Variants in BCO2 observed in about 807,000 individuals in gnomAD.
BCO2 encodes carotenoid-cleaving dioxygenase, mitochondrial.
In BCO2, 56 loss-of-function variants were observed where a neutral mutation model predicts 65.8. That is an observed-to-expected ratio of 0.85 (90% CI 0.69 to 1.06). The LOEUF (loss-of-function observed/expected upper bound fraction) is 1.06. Among genes scored for constraint, BCO2 ranks in the 50% least tolerant of loss-of-function variants. BCO2 has a pLI of 0.00. For synonymous variants in BCO2, 233 were observed against 242.3 expected, an observed-to-expected ratio of 0.96 and a Z score of 0.36; for missense variants, 675 against 698.5, an observed-to-expected ratio of 0.97 and a Z score of 0.38.
intron 2 of BCO2, chr11:112,180,939 A>G: frequency 8.8e-7 from 1 of 1,136,566 alleles, no homozygotes; most frequent in East Asian, 2.3e-5. Context: ...ATTGCTTTGA[A>G]CAGGGATGAT....
At chr11:112,206,025 TG>T (rs1160588333) in intron 8 of BCO2, among the ~76,000 whole-genome samples, 2 of 152,228 alleles carry the variant, frequency 1.3e-5, no homozygotes, top group Admixed American at 6.5e-5. Flanking sequence ...AATGCAAACT[TG>T]GGGAAGACAG....
At chr11:112,194,916 A>G (rs1040733836) in intron 5 of BCO2, among the ~76,000 whole-genome samples, 161 bp downstream of exon 5, 1 of 152,152 alleles carries the variant, frequency 6.6e-6, no homozygotes, top group African/African-American at 2.4e-5. Flanking sequence ...ACTTGATCTC[A>G]GATAAGGAGG....
At chr11:112,216,452 C>T in intron 11 of BCO2, 122 bp downstream of exon 11, 1 of 669,918 alleles carries the variant, frequency 1.5e-6, no homozygotes, top group South Asian at 1.9e-5. Context: ...TCTTCCCCTC[C>T]TTACTATTTA....
chr11:112,216,066 TTCAGCACTGGGC>T (rs924439361), intron 10 of BCO2, 142 bp from the exon 11 acceptor site: 1 of 620,910 alleles, frequency 1.6e-6, no homozygotes, highest in African/African-American at 1.8e-5. Context: ...AGGCCCCACC[TTCAGCACTGGGC>T]TCAGCACTCC....
chr11:112,212,373 C>T (rs34006273), intron 8 of BCO2, among the ~76,000 whole-genome samples: 31,110 of 152,138 alleles, frequency 0.2, 3,992 homozygotes, highest in Non-Finnish European at 0.28. Flanking sequence ...AGGTAGCTCA[C>T]GCCTGTAATT....
chr11:112,189,379 T>C (rs1437608261), intron 2 of BCO2, among the ~76,000 whole-genome samples: 1 of 146,112 alleles, frequency 6.8e-6, no homozygotes, highest in African/African-American at 2.5e-5. Flanking sequence ...TAAAAAAGAA[T>C]TAAACAAAAT....
chr11:112,188,041 C>T (rs982712239), intron 2 of BCO2, among the ~76,000 whole-genome samples: 1 of 152,264 alleles, frequency 6.6e-6, no homozygotes, highest in African/African-American at 2.4e-5. Flanking sequence ...TCTAGATACT[C>T]TCAAACATGG....
chr11:112,179,581 C>T, intron 2 of BCO2, 99 bp downstream of exon 2: 1 of 1,075,950 alleles, frequency 9.3e-7, no homozygotes, highest in Non-Finnish European at 1.4e-6. Context: ...TTAATATTTC[C>T]ATTCCATCCC....
At chr11:112,192,925 G>GTTTTGTT (rs1867433920) in intron 2 of BCO2, among the ~76,000 whole-genome samples, 1 of 36,670 alleles carries the variant, frequency 2.7e-5, no homozygotes, top group Non-Finnish European at 4.7e-5. Flanking sequence ...AAAATGTGAG[G>GTTTTGTT]TTTTTTTTTT....
At position 112,216,811 on chromosome 11, in the gene BCO2, ATCTGACT is replaced by A. The variant is rs1448599286; in HGVS notation, c.1626+485_1626+491del. 4.6e-5 allele frequency among the ~76,000 whole-genome samples: 7 copies of A among 152,354 alleles called. No individual in the cohort carries two copies. In the East Asian group the frequency reaches 1.2e-3, roughly 25 times the overall value. On this transcript the variant is annotated intron_variant, in intron 11 of 11. Coordinates refer to ENST00000357685, the MANE Select transcript of BCO2 (RefSeq NM_031938.7). ...CAGTGTCCCAATAACACTATGCACT[ATCTGACT>A]TCTTGTCTAGGGCAATCTTATGGCA...
At position 112,194,722 on chromosome 11, in the gene BCO2, G is replaced by A; in HGVS notation, c.703G>A (p.Ala235Thr). ...TCCTCATTATGACCTGGATGGAACA[G>A]CATACAATATGGGGAACTCCTTTGG... is the stretch of plus-strand genomic sequence containing the variant. ...AHPHYDLDGT[A>T]YNMGNSFGPY... Residue 235 changes from alanine to threonine, a missense_variant, in exon 5 of 12, where the codon GCA (alanine) becomes ACA (threonine). Transcript: ENST00000357685. 1 of 1,611,852 alleles carries A rather than the reference G, an allele frequency of 6.2e-7. No individual in the cohort carries two copies. Among genetic ancestry groups the A allele is most frequent in the Non-Finnish European group, 8.5e-7 (1 of 1,178,408 alleles).
intron 6 of BCO2, among the ~76,000 whole-genome samples, chr11:112,200,161 C>T (rs1351948903): frequency 6.6e-6 from 1 of 152,028 alleles, no homozygotes; most frequent in Non-Finnish European, 1.5e-5. Context: ...TGGGGAAATT[C>T]ATATTCTATA....
intron 2 of BCO2, among the ~76,000 whole-genome samples, chr11:112,183,911 C>G (rs2135352454): frequency 6.6e-6 from 1 of 152,294 alleles, no homozygotes; most frequent in African/African-American, 2.4e-5. Context: ...AAGAACTTAC[C>G]TATCACTACA....
At position 112,193,784 on chromosome 11, in the gene BCO2, A is replaced by C; in HGVS notation, c.517+87A>C. The C allele has an allele frequency of 2.6e-6, 4 of 1,520,080 alleles. No homozygotes were observed. The South Asian group carries it at 4.5e-5, about 17-fold the overall frequency. The allele number at this position is 1,520,080 out of a possible 1,614,324, so 94.2% of individuals were successfully genotyped here. On this transcript the variant is annotated intron_variant, in intron 3 of 11. Transcript: ENST00000357685. Reference sequence around the variant, plus strand: ...GAAAATAGATTTTTTTGTGTATGTGAGAGGATGTTGAAACTGCTTTCTCCC... The same window carrying C: ...GAAAATAGATTTTTTTGTGTATGTGCGAGGATGTTGAAACTGCTTTCTCCC...
Position 112,217,964 on chromosome 11 carries a change from A to T in BCO2, c.*90A>T. On this transcript the variant is annotated 3_prime_UTR_variant, in exon 12 of 12. Transcript: ENST00000357685. The stretch of plus-strand genomic sequence containing the variant: ...AGAAATAAACACTGAGGACTCCAAA[A>T]GGGGGGCAAGGAGGAAGAGGGGCAG... The T allele has an allele frequency of 2.2e-6, 2 of 894,348 alleles. No individual in the cohort carries two copies. Among genetic ancestry groups the T allele is most frequent in the Non-Finnish European group, 3.4e-6 (2 of 580,228 alleles). The allele number at this position is 894,348 out of a possible 1,614,324, so 55.4% of individuals were successfully genotyped here.
intron 8 of BCO2, among the ~76,000 whole-genome samples, chr11:112,209,355 A>T (rs759536348): frequency 6.6e-6 from 1 of 152,180 alleles, no homozygotes; most frequent in Non-Finnish European, 1.5e-5. Context: ...CAGTATGTAG[A>T]CTTTTCAGAC....
At chr11:112,202,502 G>A (rs1016645833) in intron 8 of BCO2, among the ~76,000 whole-genome samples, 6 of 151,820 alleles carry the variant, frequency 4.0e-5, no homozygotes, top group Non-Finnish European at 5.9e-5. Context: ...GACTTGTCTC[G>A]AACTCCTGAC....
Position 112,214,879 on chromosome 11 carries a change from T to G in BCO2, c.1450T>G (p.Cys484Gly). The stretch of plus-strand genomic sequence containing the variant: ...CAAAAAGTATCATTTCTTTTATGGC[T>G]GTGGCTTTCGGCATTTAGTGGGGGA... Reference protein sequence around the residue: ...SGKKYHFFYGCGFRHLVGDSL... With the variant: ...SGKKYHFFYGGGFRHLVGDSL... Residue 484 changes from cysteine (C) to glycine (G), a missense_variant, in exon 10 of 12, where the codon TGT becomes GGT. Transcript: ENST00000357685. The G allele has an allele frequency of 1.2e-6, 2 of 1,614,214 alleles. No individual in the cohort carries two copies. Among genetic ancestry groups the G allele is most frequent in the Non-Finnish European group, 1.7e-6 (2 of 1,180,028 alleles).
intron 2 of BCO2, among the ~76,000 whole-genome samples, chr11:112,185,561 T>G (rs1238500566): frequency 6.6e-6 from 1 of 152,220 alleles, no homozygotes; most frequent in Admixed American, 6.5e-5. Context: ...AGCACTTTGA[T>G]GTATTTCCTG....
Sources: allele counts gnomAD v4.1 joint callset (sites outside exome capture counted in the v4.1 genomes callset), GRCh38; gene constraint gnomAD v4.1.1; transcripts MANE v1.5; gene names NCBI Gene and HGNC (gene_info 2026-07-23, HGNC 2026-07-21).